TBC1D32: variants seen among roughly 807,000 people sequenced by gnomAD.
The protein encoded by TBC1D32 is protein broad-minded.
Under a neutral mutation model 170.3 loss-of-function variants are expected in TBC1D32, and 151 were observed. The ratio of observed to expected loss-of-function variants is 0.89; its 90% CI spans 0.78 to 1.01. TBC1D32 has a LOEUF of 1.01. Ranked by LOEUF, TBC1D32 falls within the 50% of genes least tolerant of loss-of-function variation. The probability of loss-of-function intolerance (pLI) is 0.00; values close to 1 mark genes in which losing one functional copy is unlikely to be tolerated. For missense variants in TBC1D32, 1,464 were observed against 1,457.1 expected, an observed-to-expected ratio of 1.00 and a Z score of -0.08; for synonymous variants, 498 against 488.0, an observed-to-expected ratio of 1.02 and a Z score of -0.27.
Position 121,281,588 on chromosome 6 carries a change from C to T in TBC1D32, c.1564G>A (p.Glu522Lys), listed in dbSNP as rs1204103577. The T allele has an allele frequency of 6.2e-7, 1 of 1,607,290 alleles. No homozygotes were observed. The highest frequency in any genetic ancestry group is 8.5e-7 in the Non-Finnish European group (1 of 1,176,146). ...TTGTGAATAGGCTGAAGAAGTGTCT[C>T]TATTACAATGTTGTTATATAAGCAT... Reference protein sequence around the residue: ...VECLYNNIVIETLLQPIHNLM... With the variant: ...VECLYNNIVIKTLLQPIHNLM... Residue 522 changes from glutamate to lysine, a missense_variant, in exon 14 of 32, where the codon GAG becomes AAG. By Grantham distance (56) the Glu-to-Lys change is moderately conservative. Transcript: ENST00000398212.
At chr6:121,108,258 A>G (rs1778885902) in intron 29 of TBC1D32, among the ~76,000 whole-genome samples, 1 of 152,120 alleles carries the variant, frequency 6.6e-6, no homozygotes, top group East Asian at 1.9e-4. Context: ...TCTAAGTCAC[A>G]TGAATATAAT....
chr6:121,140,320 T>C (rs1782631317), intron 24 of TBC1D32, among the ~76,000 whole-genome samples: 1 of 141,626 alleles, frequency 7.1e-6, no homozygotes, highest in South Asian at 2.1e-4. Context: ...AAAAATTACA[T>C]CAGGTTGGGG....
chr6:121,089,367 G>A (rs947002635), intron 31 of TBC1D32, among the ~76,000 whole-genome samples: 1 of 152,096 alleles, frequency 6.6e-6, no homozygotes, highest in African/African-American at 2.4e-5. Flanking sequence ...TAAGATGTTA[G>A]AGAATTATGG....
intron 30 of TBC1D32, among the ~76,000 whole-genome samples, chr6:121,098,699 CAT>C (rs1483588536): frequency 5.9e-5 from 9 of 152,076 alleles, no homozygotes; most frequent in Non-Finnish European, 1.2e-4. Flanking sequence ...AAATAATGCA[CAT>C]GTGTTTCTAC....
chr6:121,283,946 G>A, intron 12 of TBC1D32, 36 bp from the exon 13 acceptor site: 1 of 1,428,732 alleles, frequency 7.0e-7, no homozygotes. Flanking sequence ...TTAATTTCTA[G>A]CATATTCTTT....
At chr6:121,259,828 G>C (rs1450613069) in intron 15 of TBC1D32, among the ~76,000 whole-genome samples, 1 of 152,176 alleles carries the variant, frequency 6.6e-6, no homozygotes, top group Non-Finnish European at 1.5e-5. Flanking sequence ...AGAGCTGCCT[G>C]AAAGCCAGTT....
At chr6:121,284,083 A>T (rs926348605) in intron 12 of TBC1D32, among the ~76,000 whole-genome samples, 173 bp from the exon 13 acceptor site, 1 of 152,092 alleles carries the variant, frequency 6.6e-6, no homozygotes, top group Non-Finnish European at 1.5e-5. Flanking sequence ...AATTACATAC[A>T]AATTAAAACA....
At chr6:121,215,793 A>C (rs751716688) in intron 21 of TBC1D32, among the ~76,000 whole-genome samples, 7 of 152,186 alleles carry the variant, frequency 4.6e-5, no homozygotes, top group Non-Finnish European at 1.0e-4. Context: ...ATCAAAACCA[A>C]AATAAGATGC....
In TBC1D32 at chr6:121,080,690, T is replaced by A; in HGVS notation, c.*81A>T. The A allele has an allele frequency of 6.7e-7, 1 of 1,500,654 alleles. No homozygotes were observed. Among genetic ancestry groups the A allele is most frequent in the Non-Finnish European group, 8.9e-7 (1 of 1,119,118 alleles). The allele number at this position is 1,500,654 out of a possible 1,614,324, so 93.0% of individuals were successfully genotyped here. On this transcript the variant is annotated 3_prime_UTR_variant, in exon 32 of 32. Transcript: ENST00000398212. ...TGTATATTCACAAAGTAAATGTTGT[T>A]ACAGACACAGAAAAACATCAAGCCC...
At chr6:121,295,289 C>CAAAAAAAA (rs60783883) in intron 10 of TBC1D32, among the ~76,000 whole-genome samples, 133 of 108,554 alleles carry the variant, frequency 1.2e-3, no homozygotes, top group African/African-American at 4.3e-3. Context: ...ATCCTAATTC[C>CAAAAAAAA]AAAAAAAAAA....
chr6:121,236,142 T>C (rs77722354), intron 20 of TBC1D32, among the ~76,000 whole-genome samples: 2 of 145,266 alleles, frequency 1.4e-5, no homozygotes, highest in Non-Finnish European at 1.5e-5. Context: ...TTTTTTTTTT[T>C]AATTGTAAAA....
chr6:121,333,615 C>T (rs1811480798), intron 1 of TBC1D32, among the ~76,000 whole-genome samples: 2 of 152,174 alleles, frequency 1.3e-5, no homozygotes, highest in African/African-American at 4.8e-5. Context: ...ATCGTTGGAA[C>T]TCATTGCTTT....
At chr6:121,217,806 A>T (rs1009997570) in intron 21 of TBC1D32, among the ~76,000 whole-genome samples, 14 of 151,932 alleles carry the variant, frequency 9.2e-5, no homozygotes, top group Admixed American at 2.6e-4. Flanking sequence ...AAGAGTTTTT[A>T]AAAAAAAGAA....
chr6:121,296,521 A>G (rs1474962603), intron 10 of TBC1D32, among the ~76,000 whole-genome samples: 1 of 152,142 alleles, frequency 6.6e-6, no homozygotes. Context: ...ACTTATCTCA[A>G]TGAATGACAT....
At chr6:121,103,172 G>C (rs1171594036) in intron 30 of TBC1D32, among the ~76,000 whole-genome samples, 1 of 152,118 alleles carries the variant, frequency 6.6e-6, no homozygotes, top group Non-Finnish European at 1.5e-5. Context: ...GGAAGACAGT[G>C]TGGCAATTCC....
In TBC1D32 at chr6:121,192,081, T is replaced by TATCTCC. The variant is rs1554263768; in HGVS notation, c.2570+12993_2570+12994insGGAGAT. 1.1e-4 allele frequency among the ~76,000 whole-genome samples: 15 copies of TATCTCC among 132,500 alleles called. 3 individuals are homozygous for TATCTCC. The Admixed American group carries it at 1.2e-3, about 11-fold the overall frequency. The allele number at this position is 132,500 out of a possible 152,430, so 86.9% of individuals were successfully genotyped here. A position where few individuals can be genotyped will look rare whatever the true frequency, so the allele number is the denominator to read the frequency against. On this transcript the variant is annotated intron_variant, in intron 22 of 31. Transcript: ENST00000398212. ...AAACTACCCTTTATATATATATATATATCCTATTAGTTCTATCCTTCTGGG... is the reference window on the plus strand; with the variant it reads ...AAACTACCCTTTATATATATATATATATCTCCATCCTATTAGTTCTATCCTTCTGGG...
intron 15 of TBC1D32, among the ~76,000 whole-genome samples, chr6:121,264,221 T>C (rs1800149921): frequency 6.6e-6 from 1 of 151,784 alleles, no homozygotes; most frequent in Non-Finnish European, 1.5e-5. Flanking sequence ...ATCAAATAGA[T>C]GCAATAAAAA....
At chr6:121,263,789 A>C (rs1800085501) in intron 15 of TBC1D32, among the ~76,000 whole-genome samples, 1 of 152,206 alleles carries the variant, frequency 6.6e-6, no homozygotes, top group Non-Finnish European at 1.5e-5. Context: ...AAACTCACCC[A>C]AAACCACACA....
At chr6:121,272,043 T>A (rs1411739551) in intron 15 of TBC1D32, among the ~76,000 whole-genome samples, 1 of 152,122 alleles carries the variant, frequency 6.6e-6, no homozygotes, top group Non-Finnish European at 1.5e-5. Context: ...CTGGGAAAAC[T>A]GGCTAGCCAT....
Sources: gnomAD v4.1 joint callset for allele counts (sites outside exome capture counted in the v4.1 genomes callset) on GRCh38, gnomAD v4.1.1 for gene constraint, MANE v1.5 for transcripts, NCBI Gene and HGNC (gene_info 2026-07-23, HGNC 2026-07-21) for gene names.